MLIP: variants seen among roughly 807,000 people sequenced by gnomAD.
The protein encoded by MLIP is muscular LMNA interacting protein.
A neutral mutation model predicts 84.8 loss-of-function variants in MLIP; 79 were observed. The ratio of observed to expected loss-of-function variants is 0.93; its 90% CI spans 0.78 to 1.12. The LOEUF (loss-of-function observed/expected upper bound fraction) is 1.12. MLIP is among the 50% of genes most tolerant of loss of function. The pLI is 0.00. For missense variants in MLIP, 1,257 were observed against 1,160.6 expected (o/e 1.08, Z -1.21); for synonymous variants, 504 against 463.0 (o/e 1.09, Z -1.14).
intron 1 of MLIP, among the ~76,000 whole-genome samples, chr6:54,075,450 A>C (rs1278962896): frequency 6.6e-6 from 1 of 152,100 alleles, no homozygotes; most frequent in Non-Finnish European, 1.5e-5. Flanking sequence ...AAATTCTTCA[A>C]GGCAACTTTT....
chr6:54,083,666 T>C lies in MLIP; in HGVS notation c.64-37781T>C, dbSNP rs1767308324. 3 of 1,524,406 alleles carry C rather than the reference T, an allele frequency of 2.0e-6. No individual in the cohort carries two copies. The African/African-American group carries it at 4.1e-5, about 21-fold the overall frequency. 94.4% of individuals were successfully genotyped at this position (1,524,406 alleles called of 1,614,324 possible). ...CAATTCCTTGATACTGTCACCCTGT[T>C]ATACATTTAACATCAATGATAGCTG... is the stretch of plus-strand genomic sequence containing the variant. On this transcript the variant is annotated intron_variant, in intron 1 of 12. Coordinates refer to the MLIP transcript ENST00000274897.
chr6:54,228,027 C>G (rs966449135), intron 11 of MLIP, among the ~76,000 whole-genome samples: 3 of 151,376 alleles, frequency 2.0e-5, no homozygotes, highest in Non-Finnish European at 4.4e-5. Context: ...ACTAAAAATA[C>G]AAAAAATTAG....
intron 1 of MLIP, among the ~76,000 whole-genome samples, chr6:54,065,950 A>C (rs1334807306): frequency 2.0e-5 from 2 of 99,440 alleles, no homozygotes; most frequent in African/African-American, 5.1e-5. Flanking sequence ...AATTATATGT[A>C]TATACATCAA....
intron 1 of MLIP, among the ~76,000 whole-genome samples, chr6:54,077,975 G>A (rs180713655): frequency 2.7e-4 from 41 of 152,192 alleles, no homozygotes; most frequent in Non-Finnish European, 4.9e-4. Flanking sequence ...ACTTTGCTAT[G>A]GTTCAGGTTG....
At chr6:54,181,311 G>T (rs963553422) in intron 9 of MLIP, among the ~76,000 whole-genome samples, 1 of 152,148 alleles carries the variant, frequency 6.6e-6, no homozygotes, top group Non-Finnish European at 1.5e-5. Context: ...ATGGGCTGGG[G>T]CGGTGGTCTG....
Position 54,230,788 on chromosome 6 carries a change from A to G in MLIP, c.2793A>G (p.Ser931=), listed in dbSNP as rs1582571058. The G allele has an allele frequency of 6.2e-7, 1 of 1,613,924 alleles. No homozygotes were observed. Among genetic ancestry groups the G allele is most frequent in the Admixed American group, 1.7e-5 (1 of 59,988 alleles). Residue 931 remains serine, a synonymous_variant, in exon 12 of 14, where the codon TCA becomes TCG. Transcript: ENST00000502396. ...YQTKLYPPAK[S]LLHPQTLSHA... The stretch of plus-strand genomic sequence containing the variant: ...CTAAACTCTATCCTCCTGCTAAGTC[A>G]CTGCTGCATCCACAGACCCTCTCAC...
intron 13 of MLIP, among the ~76,000 whole-genome samples, chr6:54,263,726 A>G (rs915205385): frequency 2.0e-5 from 3 of 152,054 alleles, no homozygotes; most frequent in African/African-American, 7.2e-5. Flanking sequence ...AATTTAAAAA[A>G]AAACCAAGAT....
intron 11 of MLIP, among the ~76,000 whole-genome samples, chr6:54,211,843 C>T (rs1779472392): frequency 6.6e-6 from 1 of 152,228 alleles, no homozygotes; most frequent in Non-Finnish European, 1.5e-5. Context: ...TCTTGGCACT[C>T]TCTGCTCCAA....
At chr6:54,117,281 C>T (rs1489802868) in intron 1 of MLIP, among the ~76,000 whole-genome samples, 2 of 142,884 alleles carry the variant, frequency 1.4e-5, no homozygotes, top group East Asian at 4.2e-4. Flanking sequence ...AGTGGCCGGT[C>T]TAGGCTCACT....
intron 10 of MLIP, among the ~76,000 whole-genome samples, chr6:54,201,700 T>C (rs1222909277): frequency 6.6e-6 from 1 of 152,146 alleles, no homozygotes; most frequent in Non-Finnish European, 1.5e-5. Context: ...GTGAGCAGTT[T>C]CCAGAAAAAG....
chr6:54,265,879 G>A (rs764957575), intron 13 of MLIP, 71 bp from the exon 14 acceptor site: 1 of 1,403,642 alleles, frequency 7.1e-7, no homozygotes. Context: ...AAATATTAAT[G>A]TATAATTTTC....
intron 11 of MLIP, among the ~76,000 whole-genome samples, chr6:54,228,628 C>T (rs182443379): frequency 7.9e-5 from 12 of 152,288 alleles, no homozygotes; most frequent in Non-Finnish European, 1.5e-4. Context: ...CAAACATTTT[C>T]CTCTTGATTG....
chr6:54,101,634 C>T (rs1768656307), intron 1 of MLIP, among the ~76,000 whole-genome samples: 1 of 152,062 alleles, frequency 6.6e-6, no homozygotes, highest in South Asian at 2.1e-4. Flanking sequence ...CATCTTGGAG[C>T]TCACATATTA....
chr6:54,263,101 A>G (rs1315063608), intron 13 of MLIP, among the ~76,000 whole-genome samples: 1 of 152,076 alleles, frequency 6.6e-6, no homozygotes, highest in Non-Finnish European at 1.5e-5. Flanking sequence ...AGCAGAAGTC[A>G]GGAACTAAAA....
At chr6:54,242,961 G>A (rs1781834981) in intron 12 of MLIP, among the ~76,000 whole-genome samples, 1 of 152,154 alleles carries the variant, frequency 6.6e-6, no homozygotes, top group Non-Finnish European at 1.5e-5. Context: ...ATTTCCTAAA[G>A]ATGTATTGAA....
At chr6:54,221,226 C>A (rs1260037628) in intron 11 of MLIP, among the ~76,000 whole-genome samples, 1 of 152,028 alleles carries the variant, frequency 6.6e-6, no homozygotes, top group East Asian at 1.9e-4. Context: ...CAACTCATAC[C>A]CCAAACCCTG....
rs2150483355 is a variant in MLIP, at chr6:54,137,047, T to A, written c.978T>A (p.Val326=). The A allele has an allele frequency of 6.5e-7, 1 of 1,536,036 alleles. No homozygotes were observed. Among genetic ancestry groups the A allele is most frequent in the African/African-American group, 1.4e-5 (1 of 73,136 alleles). ...CAAAGCCTGGACTGACCTCTGAAGT[T>A]CTCAAGAAGACAACTTTAACCTCGC... The part of the protein sequence containing the change: ...ADPKPGLTSE[V]LKKTTLTSHV... Residue 326 remains valine, a synonymous_variant, in exon 4 of 14, where the codon GTT becomes GTA. Coordinates refer to ENST00000502396, the MANE Select transcript of MLIP (RefSeq NM_001281747.2).
Position 54,136,574 on chromosome 6 carries a change from T to C in MLIP, c.646-141T>C, listed in dbSNP as rs1039398040. 4.0e-5 allele frequency: 31 copies of C among 771,236 alleles called. 1 individual carries two copies. In the East Asian group the frequency reaches 6.9e-4, roughly 17 times the overall value. 47.8% of individuals were successfully genotyped at this position (771,236 alleles called of 1,614,324 possible). ...TCAGAGCAAGGCCTCATTAGCAAAA[T>C]AGAATTTCCTTCATTTTTGTGGAGG... On this transcript the variant is annotated intron_variant, in intron 3 of 13. Coordinates refer to ENST00000502396, the MANE Select transcript of MLIP (RefSeq NM_001281747.2).
At chr6:54,156,081 A>G (rs1319725792) in intron 5 of MLIP, among the ~76,000 whole-genome samples, 1 of 152,110 alleles carries the variant, frequency 6.6e-6, no homozygotes, top group Non-Finnish European at 1.5e-5. Context: ...CCAAAAAGCA[A>G]TCTCTGGTCA....
Sources: gnomAD v4.1 joint callset for allele counts (sites outside exome capture counted in the v4.1 genomes callset) on GRCh38, gnomAD v4.1.1 for gene constraint, MANE v1.5 for transcripts, NCBI Gene and HGNC (gene_info 2026-07-23, HGNC 2026-07-21) for gene names.